Variants in CACNA2D3 observed in about 807,000 individuals in gnomAD.
The protein encoded by CACNA2D3 is calcium voltage-gated channel auxiliary subunit alpha2delta 3.
Under a neutral mutation model 160.6 loss-of-function variants are expected in CACNA2D3, and 60 were observed. The observed-to-expected ratio is 0.37, with a 90% CI of 0.30 to 0.46. CACNA2D3 has a LOEUF of 0.46. Among genes scored for constraint, CACNA2D3 ranks in the 20% least tolerant of loss-of-function variants. The pLI is 1.00. For missense variants in CACNA2D3, 1,205 were observed against 1,365.0 expected (o/e 0.88, Z 1.85); for synonymous variants, 558 against 492.9 (o/e 1.13, Z -1.75).
intron 4 of CACNA2D3, among the ~76,000 whole-genome samples, chr3:54,463,359 C>G (rs1233807971): frequency 6.6e-6 from 1 of 152,162 alleles, no homozygotes; most frequent in African/African-American, 2.4e-5. Flanking sequence ...TGGATAATAT[C>G]CTGCAGAGTG....
chr3:54,433,805 C>T (rs1700023111), intron 4 of CACNA2D3, among the ~76,000 whole-genome samples: 1 of 152,138 alleles, frequency 6.6e-6, no homozygotes, highest in Non-Finnish European at 1.5e-5. Context: ...TCCTCCTAGA[C>T]AAAGGACGAG....
chr3:54,334,004 G>A (rs550770805), intron 3 of CACNA2D3, among the ~76,000 whole-genome samples: 1 of 152,308 alleles, frequency 6.6e-6, no homozygotes, highest in Admixed American at 6.5e-5. Flanking sequence ...AATTTAAGAA[G>A]GTCAGCCTTG....
At chr3:54,224,537 C>T (rs1701634811) in intron 2 of CACNA2D3, among the ~76,000 whole-genome samples, 2 of 152,042 alleles carry the variant, frequency 1.3e-5, no homozygotes, top group Non-Finnish European at 2.9e-5. Flanking sequence ...AGGAATATTC[C>T]AGCTCCATTA....
At chr3:55,030,848 T>A (rs1703671823) in intron 35 of CACNA2D3, among the ~76,000 whole-genome samples, 1 of 152,202 alleles carries the variant, frequency 6.6e-6, no homozygotes, top group Admixed American at 6.5e-5. Context: ...AAGCAGTGTT[T>A]GGAGGGTTTT....
chr3:54,132,960 C>T (rs1325748744), intron 2 of CACNA2D3, among the ~76,000 whole-genome samples: 1 of 152,098 alleles, frequency 6.6e-6, no homozygotes, highest in African/African-American at 2.4e-5. Flanking sequence ...ATAAGTGACT[C>T]ATGGGAAGTG....
chr3:54,718,750 A>G (rs1701111373), intron 11 of CACNA2D3, among the ~76,000 whole-genome samples: 1 of 152,090 alleles, frequency 6.6e-6, no homozygotes, highest in African/African-American at 2.4e-5. Flanking sequence ...AGTTGAATGT[A>G]AAAATCAACT....
At position 54,951,563 on chromosome 3, in the gene CACNA2D3, G is replaced by A. The variant is rs547442864; in HGVS notation, c.2450-16887G>A. On this transcript the variant is annotated intron_variant, in intron 27 of 37. Coordinates refer to ENST00000474759, the MANE Select transcript of CACNA2D3 (RefSeq NM_018398.3). ...ACAGACTTCCAGAACAGACCCCTAGGGGGTGACGCAGCCCCACTGAGAACC... is the reference window on the plus strand; with the variant it reads ...ACAGACTTCCAGAACAGACCCCTAGAGGGTGACGCAGCCCCACTGAGAACC... 4.9e-4 allele frequency among the ~76,000 whole-genome samples: 75 copies of A among 152,286 alleles called. 2 individuals carry two copies. In the South Asian group the frequency reaches 0.015, roughly 30 times the overall value.
chr3:54,883,815 C>CTCTCTCTCTCTCTCTCTCTCTCTCTT lies in CACNA2D3; in HGVS notation c.1913-1458_1913-1457insTCTCTCTCTCTCTCTCTTTCTCTCTC, dbSNP rs1428502988. ...TACAATGGAATCTCTCTCTCTCTCT[C>CTCTCTCTCTCTCTCTCTCTCTCTCTT]TCTCTCTCCTCTCTCTCCCTTCAAC... On this transcript the variant is annotated intron_variant, in intron 21 of 37. Coordinates refer to ENST00000474759, the MANE Select transcript of CACNA2D3 (RefSeq NM_018398.3). Among the ~76,000 whole-genome samples the CTCTCTCTCTCTCTCTCTCTCTCTCTT allele has an allele frequency of 2.7e-3, 382 of 142,564 alleles. 4 individuals are homozygous for CTCTCTCTCTCTCTCTCTCTCTCTCTT. The highest frequency in any genetic ancestry group is 9.6e-3 in the African/African-American group (365 of 37,910). 93.5% of individuals were successfully genotyped at this position (142,564 alleles called of 152,430 possible). A position where few individuals can be genotyped will look rare whatever the true frequency, so the allele number is the denominator to read the frequency against.
chr3:54,888,086 A>G (rs774982830), intron 24 of CACNA2D3, 34 bp downstream of exon 24: 1 of 1,461,502 alleles, frequency 6.8e-7, no homozygotes, highest in Non-Finnish European at 9.6e-7. Context: ...TTTCATGGCC[A>G]TTTCCTCACC....
chr3:54,242,478 GAATAA>G (rs1327809810), intron 2 of CACNA2D3, among the ~76,000 whole-genome samples: 2 of 151,912 alleles, frequency 1.3e-5, no homozygotes, highest in African/African-American at 4.8e-5. Flanking sequence ...AAAATAAATA[GAATAA>G]AATAGAACAA....
intron 4 of CACNA2D3, among the ~76,000 whole-genome samples, chr3:54,410,168 G>T (rs1419920852): frequency 6.6e-6 from 1 of 152,060 alleles, no homozygotes; most frequent in Non-Finnish European, 1.5e-5. Context: ...GGCCAACATG[G>T]TGAAACCCCA....
rs1419768979 is a variant in CACNA2D3 at position 54,615,440 on chromosome 3, G to A, written c.964-12347G>A. The stretch of plus-strand genomic sequence containing the variant: ...CTCAGAAATACAGTTAGTAAAATCT[G>A]GATTCTGGAATGCTCTTCATGACCA... On this transcript the variant is annotated intron_variant, in intron 9 of 37. Transcript: ENST00000474759. Among the ~76,000 whole-genome samples the A allele has an allele frequency of 2.0e-5, 3 of 152,152 alleles. No individual in the cohort carries two copies. In the East Asian group the frequency reaches 5.8e-4, roughly 29 times the overall value.
chr3:55,056,693 T>A (rs1704369242), intron 35 of CACNA2D3, among the ~76,000 whole-genome samples: 4 of 152,134 alleles, frequency 2.6e-5, no homozygotes, highest in African/African-American at 9.7e-5. Flanking sequence ...CTATATGAAA[T>A]AAGCCAGACA....
chr3:54,601,550 G>T (rs1470968380), intron 9 of CACNA2D3, among the ~76,000 whole-genome samples: 1 of 152,068 alleles, frequency 6.6e-6, no homozygotes, highest in Non-Finnish European at 1.5e-5. Flanking sequence ...CCCAAAGCCT[G>T]CAGGATCAGA....
intron 11 of CACNA2D3, among the ~76,000 whole-genome samples, chr3:54,685,660 A>G (rs1700436839): frequency 6.6e-6 from 1 of 152,236 alleles, no homozygotes; most frequent in Non-Finnish European, 1.5e-5. Flanking sequence ...TATACCACCT[A>G]TAATGTGCTC....
At chr3:54,728,864 T>C (rs1431075224) in intron 11 of CACNA2D3, among the ~76,000 whole-genome samples, 2 of 152,246 alleles carry the variant, frequency 1.3e-5, no homozygotes, top group Non-Finnish European at 2.9e-5. Flanking sequence ...CACCATTTTA[T>C]GATGGTCAGG....
intron 27 of CACNA2D3, among the ~76,000 whole-genome samples, chr3:54,963,876 A>G (rs1454479993): frequency 6.6e-6 from 1 of 152,220 alleles, no homozygotes; most frequent in Non-Finnish European, 1.5e-5. Context: ...GTAGATAAGA[A>G]GGAAGTTAGA....
chr3:54,683,496 T>C (rs1012322384), intron 11 of CACNA2D3, among the ~76,000 whole-genome samples: 4 of 152,146 alleles, frequency 2.6e-5, no homozygotes, highest in Non-Finnish European at 5.9e-5. Context: ...GTGGACAAGC[T>C]CTCCAGGAGT....
At chr3:55,071,964 A>G (rs1704820127) in intron 35 of CACNA2D3, among the ~76,000 whole-genome samples, 1 of 152,232 alleles carries the variant, frequency 6.6e-6, no homozygotes, top group Non-Finnish European at 1.5e-5. Context: ...TATCTCAGGT[A>G]GAATATATTT....
Sources: allele counts gnomAD v4.1 joint callset (sites outside exome capture counted in the v4.1 genomes callset), GRCh38; gene constraint gnomAD v4.1.1; transcripts MANE v1.5; gene names NCBI Gene and HGNC (gene_info 2026-07-23, HGNC 2026-07-21).